Variants in AIFM3 observed in about 807,000 individuals in gnomAD.
The protein encoded by AIFM3 is AIF family member 3.
Under a neutral mutation model 82.7 loss-of-function variants are expected in AIFM3, and 71 were observed. The observed-to-expected ratio is 0.86, with a 90% CI of 0.71 to 1.05. The LOEUF is 1.05. AIFM3 is among the 50% of genes least tolerant of loss of function. The probability of loss-of-function intolerance (pLI) is 0.00; values close to 1 mark genes in which losing one functional copy is unlikely to be tolerated. For synonymous variants in AIFM3, 337 were observed against 329.1 expected, an observed-to-expected ratio of 1.02 and a Z score of -0.26; for missense variants, 748 against 816.7, an observed-to-expected ratio of 0.92 and a Z score of 1.03.
In AIFM3 at chr22:20,974,138, A is replaced by T; in HGVS notation, c.431A>T (p.Asp144Val). The T allele has an allele frequency of 6.2e-7, 1 of 1,612,770 alleles. No individual in the cohort carries two copies. The highest frequency in any genetic ancestry group is 8.5e-7 in the Non-Finnish European group (1 of 1,179,782). Reference protein sequence around the residue: ...CFNISTGDLEDFPGLDSLHKF... With the variant: ...CFNISTGDLEVFPGLDSLHKF... ...AACATCAGCACTGGGGACCTGGAGG[A>T]CTTCCCTGGCCTGGACAGTCTACAC... The change falls in exon 5 of 21, where the codon GAC becomes GTC. Residue 144 changes from aspartate to valine, a missense_variant. Asp to Val is a radical substitution (Grantham distance 152). Coordinates refer to ENST00000440238, the MANE Select transcript of AIFM3 (RefSeq NM_001386814.1).
Position 20,974,527 on chromosome 22 carries a change from C to T in AIFM3, c.513C>T (p.Ala171=). 6.2e-7 allele frequency: 1 copy of T among 1,611,466 alleles called. No individual in the cohort carries two copies. ...CTCCACCCTCCTGGCACCCACAGGC[C>T]CTACAGCTGCAGCGAAGGACCAAGG... ...EKVYVRASKQ[A]LQLQRRTKVM... is the part of the protein sequence containing the mutation. The change falls in exon 7 of 21, where the codon GCC becomes GCT. Residue 171 remains alanine (A), a splice_region_variant and synonymous_variant. Coordinates refer to ENST00000440238, the MANE Select transcript of AIFM3 (RefSeq NM_001386814.1).
At chr22:20,976,802 TGG>T (rs1197852867) in intron 12 of AIFM3, 36 bp downstream of exon 12, 7 of 1,601,526 alleles carry the variant, frequency 4.4e-6, no homozygotes, top group Non-Finnish European at 6.0e-6. Context: ...CTTGGAGCCC[TGG>T]GGCCCAGCCC....
chr22:20,980,872 G>T, intron 20 of AIFM3, 105 bp downstream of exon 20: 1 of 1,607,712 alleles, frequency 6.2e-7, no homozygotes, highest in Non-Finnish European at 8.5e-7. Context: ...CTCCCTGCTG[G>T]GCACTAGGGT....
At chr22:20,973,998 G>T in intron 4 of AIFM3, 65 bp from the exon 5 acceptor site, 2 of 1,524,516 alleles carry the variant, frequency 1.3e-6, no homozygotes, top group East Asian at 2.4e-5. Flanking sequence ...GCAGTTGCCG[G>T]GGCACTGAGA....
chr22:20,975,830 G>A (rs1470147144), intron 9 of AIFM3, 52 bp downstream of exon 9: 1 of 1,589,712 alleles, frequency 6.3e-7, no homozygotes, highest in Non-Finnish European at 8.6e-7. Flanking sequence ...TGGGAACCGT[G>A]AGGTTGTGTG....
At chr22:20,977,854 C>T in intron 15 of AIFM3, 34 bp from the exon 16 acceptor site, 1 of 1,613,968 alleles carries the variant, frequency 6.2e-7, no homozygotes, top group African/African-American at 1.3e-5. Flanking sequence ...GGGCCCCTGT[C>T]ACACCCATGG....
intron 2 of AIFM3, among the ~76,000 whole-genome samples, 194 bp downstream of exon 2, chr22:20,968,169 G>T (rs1923041308): frequency 6.6e-6 from 1 of 152,180 alleles, no homozygotes; most frequent in Non-Finnish European, 1.5e-5. Context: ...GCTGGCCCCT[G>T]CTCCAGTGGG....
Position 20,979,607 on chromosome 22 carries a change from C to G in AIFM3, c.1577-20C>G, listed in dbSNP as rs1232002357. 1.9e-6 allele frequency: 3 copies of G among 1,613,872 alleles called. No homozygotes were observed. Among genetic ancestry groups the G allele is most frequent in the Non-Finnish European group, 2.5e-6 (3 of 1,179,952 alleles). On this transcript the variant is annotated intron_variant, in intron 17 of 20. Coordinates refer to ENST00000440238, the MANE Select transcript of AIFM3 (RefSeq NM_001386814.1). The stretch of plus-strand genomic sequence containing the variant: ...CCTCCCCCGGCTCACGTGGGTGCCA[C>G]CCACCTGCCCGGCCCACAGGCTACG...
chr22:20,978,198 A>G (rs375885224), intron 16 of AIFM3, among the ~76,000 whole-genome samples, 193 bp downstream of exon 16: 18 of 151,170 alleles, frequency 1.2e-4, no homozygotes, highest in African/African-American at 4.1e-4. Context: ...TGAGCCAGCC[A>G]TAGCTCCTCA....
At chr22:20,973,046 C>CA (rs3045996) in intron 2 of AIFM3, among the ~76,000 whole-genome samples, 4,257 of 144,474 alleles carry the variant, frequency 0.029, 177 homozygotes, top group African/African-American at 0.098. Flanking sequence ...GACCCTGTCT[C>CA]AAAAAAAAAA....
In AIFM3 at chr22:20,967,882, C is replaced by A. The variant is rs778909558; in HGVS notation, c.-63C>A. ...GGGGGTCCAGCCCCATGGGGGGCGC[C>A]CTAGGCCTCCGACAGCTCCCCATCT... is the stretch of plus-strand genomic sequence containing the variant. On this transcript the variant is annotated 5_prime_UTR_variant, in exon 2 of 21. Coordinates refer to ENST00000440238, the MANE Select transcript of AIFM3 (RefSeq NM_001386814.1). 3.1e-6 allele frequency: 5 copies of A among 1,601,980 alleles called. No individual in the cohort carries two copies. The highest frequency in any genetic ancestry group is 3.4e-6 in the Non-Finnish European group (4 of 1,169,494).
In AIFM3 at chr22:20,976,924, G is replaced by A. The variant is rs778803055; in HGVS notation, c.1204G>A (p.Gly402Ser). 6.8e-6 allele frequency: 11 copies of A among 1,610,986 alleles called. No homozygotes were observed. In the South Asian group the frequency reaches 7.7e-5, roughly 11 times the overall value. ...GCAGACGGAGGTGTCTGAGCTGCGGGGCCAGGAGGGAAAGGTGGGCCCTTC... is the reference window on the plus strand; with the variant it reads ...GCAGACGGAGGTGTCTGAGCTGCGGAGCCAGGAGGGAAAGGTGGGCCCTTC... Reference protein sequence around the residue: ...YMQTEVSELRGQEGKLKEVVL... With the variant: ...YMQTEVSELRSQEGKLKEVVL... The change falls in exon 13 of 21, where the codon GGC (glycine) becomes AGC (serine). Residue 402 changes from glycine to serine, a missense_variant. Gly to Ser is a moderately conservative substitution (Grantham distance 56). Transcript: ENST00000440238.
rs1923940460 is a variant in AIFM3 at position 20,979,503 on chromosome 22, C to T, written c.1577-124C>T. The stretch of plus-strand genomic sequence containing the variant: ...GAGGCCGGTAAGAACTCGCTGGCGG[C>T]AAGGCTACGAACTACCTAAAAGGAC... On this transcript the variant is annotated intron_variant, in intron 17 of 20. Transcript: ENST00000440238. The T allele has an allele frequency of 2.7e-6, 4 of 1,477,862 alleles. No individual in the cohort carries two copies. The South Asian group carries it at 3.5e-5, about 13-fold the overall frequency. 91.5% of individuals were successfully genotyped at this position (1,477,862 alleles called of 1,614,324 possible).
chr22:20,980,500 T>C (rs1018652815), intron 19 of AIFM3: 2 of 608,518 alleles, frequency 3.3e-6, no homozygotes, highest in Non-Finnish European at 5.9e-6. Context: ...GCCCTCCACA[T>C]AGATGGTGGG....
chr22:20,975,838 G>A, intron 9 of AIFM3, 60 bp downstream of exon 9: 1 of 1,577,236 alleles, frequency 6.3e-7, no homozygotes, highest in Non-Finnish European at 8.6e-7. Flanking sequence ...GTGAGGTTGT[G>A]TGGGCCCCTG....
chr22:20,976,670 C>G lies in AIFM3; in HGVS notation c.1050C>G (p.Tyr350Ter). 6.2e-7 allele frequency: 1 copy of G among 1,609,940 alleles called. No individual in the cohort carries two copies. The highest frequency in any genetic ancestry group is 8.5e-7 in the Non-Finnish European group (1 of 1,178,056). The change falls in exon 12 of 21, where the codon TAC (tyrosine) becomes TAG (stop). Residue 350 changes from tyrosine to a stop codon, truncating the protein, a stop_gained. Transcript: ENST00000440238. LOFTEE classifies it high-confidence loss of function. ...CACCAGGGATGGAGGTGGCCGCTTA[C>G]CTGACGGAGAAGGCCCACTCTGTGT... ...AGFLGMEVAA[Y>*]LTEKAHSVSV... is the part of the protein sequence containing the mutation.
chr22:20,970,957 C>T (rs1027928409), intron 2 of AIFM3, among the ~76,000 whole-genome samples: 10 of 152,260 alleles, frequency 6.6e-5, no homozygotes, highest in Non-Finnish European at 1.3e-4. Flanking sequence ...TAAGGCAGGT[C>T]TTATGGGCAG....
At chr22:20,973,668 C>T in intron 3 of AIFM3, 90 bp from the exon 4 acceptor site, 1 of 1,412,314 alleles carries the variant, frequency 7.1e-7, no homozygotes, top group Non-Finnish European at 9.6e-7. Flanking sequence ...CCGGTCTGGG[C>T]CTGCTCCCCA....
At chr22:20,965,772 G>C (rs1922844082), upstream of AIFM3, among the ~76,000 whole-genome samples, 1 of 152,064 alleles carries the variant, frequency 6.6e-6, no homozygotes, top group Non-Finnish European at 1.5e-5. Flanking sequence ...CCTGCACCCT[G>C]GGGGCGCCAG....
Sources: allele counts gnomAD v4.1 joint callset (sites outside exome capture counted in the v4.1 genomes callset), GRCh38; gene constraint gnomAD v4.1.1; transcripts MANE v1.5; gene names NCBI Gene and HGNC (gene_info 2026-07-23, HGNC 2026-07-21).